MEI4: variants seen among roughly 807,000 people sequenced by gnomAD.
MEI4 encodes the protein meiosis-specific protein MEI4.
A neutral mutation model predicts 31.4 loss-of-function variants in MEI4; 27 were observed. The observed-to-expected ratio is 0.86, with a 90% confidence interval of 0.63 to 1.19. The LOEUF (loss-of-function observed/expected upper bound fraction) is 1.19, where lower values mean the gene tolerates loss of function less well. MEI4 is among the 50% of genes most tolerant of loss of function. The probability of loss-of-function intolerance (pLI) is 0.00; values close to 1 mark genes in which losing one functional copy is unlikely to be tolerated. For synonymous variants in MEI4, 122 were observed against 145.4 expected, an observed-to-expected ratio of 0.84 and a Z score of 1.16; for missense variants, 329 against 398.9, an observed-to-expected ratio of 0.82 and a Z score of 1.49.
rs1451838069 is a variant in MEI4, at chr6:77,927,009, CAT to C, written c.*3665_*3666del. On this transcript the variant is annotated 3_prime_UTR_variant, in exon 5 of 5. Transcript: ENST00000684080. ...TCTAAATATTACAGAGTATTACAAA[CAT>C]AAAAAATAAACTCAGCCTCTTTTTT... is the stretch of plus-strand genomic sequence containing the variant. 6.6e-6 allele frequency: 1 copy of C among 151,746 alleles called. No homozygotes were observed. The highest frequency in any genetic ancestry group is 2.4e-5 in the African/African-American group (1 of 41,382). 9.4% of individuals were successfully genotyped at this position (151,746 alleles called of 1,614,324 possible).
intron 2 of MEI4, chr6:77,716,756 ATTTTAC>A (rs1197194407): frequency 5.6e-6 from 2 of 359,472 alleles, no homozygotes; most frequent in East Asian, 3.3e-4. Context: ...TTAAAATTTT[ATTTTAC>A]TTTATTTTTC....
intron 3 of MEI4, among the ~76,000 whole-genome samples, chr6:77,792,385 G>A (rs1768960506): frequency 6.6e-6 from 1 of 152,096 alleles, no homozygotes; most frequent in African/African-American, 2.4e-5. Context: ...TCTTTATAAT[G>A]TTTTCTATAA....
rs141746314 is a variant in MEI4, at chr6:77,769,005, C to T, written c.768+7340C>T. On this transcript the variant is annotated intron_variant, in intron 3 of 4. Transcript: ENST00000684080. The stretch of plus-strand genomic sequence containing the variant: ...TCCACAGGAAGACTAAATTGAACAA[C>T]AGTCCACACAGGAAAGGACCTTCAT... 1.4e-3 allele frequency among the ~76,000 whole-genome samples: 213 copies of T among 152,250 alleles called. 1 individual carries two copies. Among genetic ancestry groups the T allele is most frequent in the African/African-American group, 4.5e-3 (187 of 41,552 alleles).
chr6:77,756,467 A>T (rs2127680418), intron 2 of MEI4, among the ~76,000 whole-genome samples: 1 of 152,194 alleles, frequency 6.6e-6, no homozygotes, highest in South Asian at 2.1e-4. Context: ...GACAGATAGG[A>T]GCAGAACTAA....
chr6:77,921,950 T>A (rs1581985300), intron 4 of MEI4, among the ~76,000 whole-genome samples: 1 of 151,744 alleles, frequency 6.6e-6, no homozygotes, highest in African/African-American at 2.4e-5. Context: ...AATATTGTGA[T>A]AATTACCAGT....
chr6:77,860,069 C>T (rs952138827), intron 4 of MEI4, among the ~76,000 whole-genome samples: 1 of 152,164 alleles, frequency 6.6e-6, no homozygotes, highest in Non-Finnish European at 1.5e-5. Context: ...ATTCATTTCA[C>T]ATCGCTTATT....
chr6:77,895,103 T>C (rs1562029220), intron 4 of MEI4, among the ~76,000 whole-genome samples: 1 of 152,188 alleles, frequency 6.6e-6, no homozygotes, highest in Non-Finnish European at 1.5e-5. Context: ...TTGCATTCTC[T>C]CCCAAGAATA....
At chr6:77,688,495 T>C (rs1376857672) in intron 1 of MEI4, among the ~76,000 whole-genome samples, 1 of 152,150 alleles carries the variant, frequency 6.6e-6, no homozygotes. Context: ...ATATTCAGCA[T>C]GATTTTAAGA....
chr6:77,806,854 A>G (rs1769453118), intron 3 of MEI4, among the ~76,000 whole-genome samples: 1 of 151,872 alleles, frequency 6.6e-6, no homozygotes, highest in Non-Finnish European at 1.5e-5. Flanking sequence ...GTTTTACTGG[A>G]ACACATCTAC....
At chr6:77,842,235 T>G (rs1185557415) in intron 4 of MEI4, among the ~76,000 whole-genome samples, 1 of 152,136 alleles carries the variant, frequency 6.6e-6, no homozygotes, top group Non-Finnish European at 1.5e-5. Flanking sequence ...AATATAATTT[T>G]GCTAGTAATT....
intron 1 of MEI4, among the ~76,000 whole-genome samples, chr6:77,678,373 C>A (rs901984094): frequency 1.3e-5 from 2 of 152,142 alleles, no homozygotes; most frequent in African/African-American, 4.8e-5. Context: ...GGTTAGATCT[C>A]AAATTTTGAG....
intron 4 of MEI4, among the ~76,000 whole-genome samples, chr6:77,862,594 G>A (rs1208502606): frequency 2.0e-5 from 3 of 152,292 alleles, no homozygotes; most frequent in South Asian, 2.1e-4. Context: ...TAACTGGGGG[G>A]AGCCCACCAT....
chr6:77,817,113 T>C (rs933636121), intron 3 of MEI4, among the ~76,000 whole-genome samples: 4 of 152,116 alleles, frequency 2.6e-5, no homozygotes, highest in Non-Finnish European at 2.9e-5. Flanking sequence ...TATATTCTTA[T>C]TATACACATA....
intron 4 of MEI4, among the ~76,000 whole-genome samples, chr6:77,877,255 G>GTA (rs1771364473): frequency 6.6e-6 from 1 of 151,878 alleles, no homozygotes; most frequent in Non-Finnish European, 1.5e-5. Context: ...GTGTGTGTGT[G>GTA]TGGGTATGTG....
chr6:77,879,233 G>A (rs1771420727), intron 4 of MEI4, among the ~76,000 whole-genome samples: 4 of 152,164 alleles, frequency 2.6e-5, no homozygotes, highest in Admixed American at 2.6e-4. Context: ...AGTGTTTTCT[G>A]TTTATATGCT....
chr6:77,727,974 A>G (rs552171968), intron 2 of MEI4, among the ~76,000 whole-genome samples: 1 of 152,226 alleles, frequency 6.6e-6, no homozygotes, highest in Non-Finnish European at 1.5e-5. Context: ...CAATGCCCAC[A>G]TACAGGCAGA....
At chr6:77,650,409 C>T (rs895902938), upstream of MEI4, among the ~76,000 whole-genome samples, 3 of 152,228 alleles carry the variant, frequency 2.0e-5, no homozygotes, top group Non-Finnish European at 4.4e-5. Flanking sequence ...CCCTCACTTC[C>T]CCCACGAGTG....
Position 77,923,594 on chromosome 6 carries a change from C to T in MEI4, c.*248C>T, listed in dbSNP as rs1766764389. ...ATTCCCATGTAACTGTATCTTATTT[C>T]ACTCAATATAGTTTAGCTCTATTAT... On this transcript the variant is annotated 3_prime_UTR_variant, in exon 5 of 5. Transcript: ENST00000684080. 3.8e-6 allele frequency: 1 copy of T among 263,690 alleles called. No homozygotes were observed. 16.3% of individuals were successfully genotyped at this position (263,690 alleles called of 1,614,324 possible).
chr6:77,686,060 T>A (rs562198239), intron 1 of MEI4, among the ~76,000 whole-genome samples: 271 of 152,152 alleles, frequency 1.8e-3, no homozygotes, highest in Non-Finnish European at 3.1e-3. Flanking sequence ...GTCTGGGACC[T>A]CCCTCCCTTT....
Sources: gnomAD v4.1 joint callset for allele counts (sites outside exome capture counted in the v4.1 genomes callset) on GRCh38, gnomAD v4.1.1 for gene constraint, MANE v1.5 for transcripts, NCBI Gene and HGNC (gene_info 2026-07-23, HGNC 2026-07-21) for gene names.